Variants in LAMA3 observed in about 807,000 individuals in gnomAD.
LAMA3 encodes laminin subunit alpha-3.
A neutral mutation model predicts 402.0 loss-of-function variants in LAMA3; 281 were observed. The ratio of observed to expected loss-of-function variants is 0.70; its 90% CI spans 0.63 to 0.77. The LOEUF (loss-of-function observed/expected upper bound fraction) is 0.77. Among genes scored for constraint, LAMA3 ranks in the 30% least tolerant of loss-of-function variants. The pLI is 0.00. For synonymous variants in LAMA3, 1,431 were observed against 1,558.4 expected (o/e 0.92, Z 1.93); for missense variants, 3,840 against 4,215.5 (o/e 0.91, Z 2.47).
intron 59 of LAMA3, 54 bp downstream of exon 59, chr18:23,915,476 A>C (rs1040689957): frequency 1.6e-5 from 24 of 1,544,440 alleles, no homozygotes; most frequent in Non-Finnish European, 2.1e-5. Context: ...GGTAACTTGC[A>C]GTACTTTTAC....
chr18:23,885,324 C>A (rs2065037506), intron 41 of LAMA3, among the ~76,000 whole-genome samples: 1 of 131,836 alleles, frequency 7.6e-6, no homozygotes, highest in Non-Finnish European at 1.6e-5. Flanking sequence ...CCTAGATAGC[C>A]CCCCCACCCC....
At chr18:23,881,899 C>T in intron 39 of LAMA3, 37 bp from the exon 40 acceptor site, 5 of 1,317,258 alleles carry the variant, frequency 3.8e-6, no homozygotes, top group Non-Finnish European at 5.5e-6. Context: ...AGGGACTGTA[C>T]TGGCTGCTGT....
intron 12 of LAMA3, among the ~76,000 whole-genome samples, chr18:23,806,274 A>G (rs192012410): frequency 1.3e-5 from 2 of 152,354 alleles, no homozygotes; most frequent in African/African-American, 4.8e-5. Flanking sequence ...CTTGACATCT[A>G]TTCTCACAGA....
chr18:23,858,981 G>C, intron 34 of LAMA3, 152 bp downstream of exon 34: 1 of 809,144 alleles, frequency 1.2e-6, no homozygotes, highest in South Asian at 1.4e-5. Context: ...TGTTCAGAGG[G>C]GCTTTCCTTC....
chr18:23,733,658 G>A (rs570379162), intron 2 of LAMA3, among the ~76,000 whole-genome samples: 3 of 152,342 alleles, frequency 2.0e-5, no homozygotes, highest in African/African-American at 7.2e-5. Context: ...TTTGTCTTTA[G>A]AAGATAAATC....
At chr18:23,898,897 AT>A (rs1467655154) in intron 45 of LAMA3, 49 bp downstream of exon 45, 1 of 1,578,670 alleles carries the variant, frequency 6.3e-7, no homozygotes, top group African/African-American at 1.3e-5. Flanking sequence ...CTTTCAAAGT[AT>A]TTTTATTTTT....
At chr18:23,781,545 A>AT (rs2143973356) in intron 11 of LAMA3, among the ~76,000 whole-genome samples, 1 of 152,366 alleles carries the variant, frequency 6.6e-6, no homozygotes, top group East Asian at 1.9e-4. Context: ...AAGCCTATGT[A>AT]TTGTACATGT....
chr18:23,902,127 AG>A (rs1454292971), intron 48 of LAMA3, among the ~76,000 whole-genome samples: 1 of 152,146 alleles, frequency 6.6e-6, no homozygotes, highest in Non-Finnish European at 1.5e-5. Flanking sequence ...GTTTGAGACC[AG>A]CCTCGGCAAT....
chr18:23,853,090 A>G (rs563846299), intron 32 of LAMA3, among the ~76,000 whole-genome samples: 16 of 152,300 alleles, frequency 1.1e-4, no homozygotes, highest in Non-Finnish European at 2.1e-4. Flanking sequence ...AAACATGTCC[A>G]CATCAAGACT....
intron 12 of LAMA3, among the ~76,000 whole-genome samples, chr18:23,797,233 G>A (rs1248508305): frequency 1.3e-5 from 2 of 152,062 alleles, no homozygotes; most frequent in Admixed American, 1.3e-4. Context: ...GTCTGTGATG[G>A]CCTTCCTTGT....
At chr18:23,733,034 C>A (rs1250786913) in intron 2 of LAMA3, among the ~76,000 whole-genome samples, 1 of 151,964 alleles carries the variant, frequency 6.6e-6, no homozygotes, top group Non-Finnish European at 1.5e-5. Context: ...CCTGCATTTC[C>A]TCAAGCTGAA....
At chr18:23,836,901 C>T in intron 24 of LAMA3, 80 bp from the exon 25 acceptor site, 2 of 972,018 alleles carry the variant, frequency 2.1e-6, no homozygotes, top group Non-Finnish European at 3.3e-6. Context: ...AACCAAAGAG[C>T]CATCAGCCAA....
At chr18:23,812,020 T>C (rs999196770) in intron 13 of LAMA3, among the ~76,000 whole-genome samples, 6 of 151,844 alleles carry the variant, frequency 4.0e-5, no homozygotes, top group African/African-American at 9.7e-5. Context: ...ATTACAGGCA[T>C]GTGCCACCAT....
intron 2 of LAMA3, among the ~76,000 whole-genome samples, chr18:23,734,430 A>T (rs1163204931): frequency 6.6e-6 from 1 of 152,216 alleles, no homozygotes; most frequent in East Asian, 1.9e-4. Context: ...CACATGGGGC[A>T]TGGGTGAGAT....
chr18:23,854,300 T>C (rs1305444841), intron 32 of LAMA3, among the ~76,000 whole-genome samples: 1 of 152,258 alleles, frequency 6.6e-6, no homozygotes, highest in Non-Finnish European at 1.5e-5. Context: ...CTTCCACAGC[T>C]GCCCTTGCTG....
chr18:23,842,430 G>A lies in LAMA3; in HGVS notation c.3372G>A (p.Leu1124=), dbSNP rs1218716859. The A allele has an allele frequency of 3.7e-6, 6 of 1,613,924 alleles. No individual in the cohort carries two copies. In the African/African-American group the frequency reaches 5.3e-5, roughly 14 times the overall value. The change falls in exon 28 of 75, where the codon CTG becomes CTA. Residue 1124 remains leucine, a synonymous_variant. Transcript: ENST00000313654. ...QVTLRGRVPH[L]GRYVFVIHFY... ...CCCTGAGAGGACGTGTACCACACCT[G>A]GGCCGATACGTCTTTGTCATCCATT... is the stretch of plus-strand genomic sequence containing the variant.
rs1369644475 is a variant in LAMA3 at position 23,775,860 on chromosome 18, A to G, written c.1342A>G (p.Asn448Asp). 2 of 1,613,954 alleles carry G rather than the reference A, an allele frequency of 1.2e-6. No homozygotes were observed. Among genetic ancestry groups the G allele is most frequent in the Non-Finnish European group, 1.7e-6 (2 of 1,179,946 alleles). Residue 448 changes from asparagine (N) to aspartate (D), a missense_variant, in exon 10 of 75, where the codon AAT becomes GAT. Around this residue, in one of 3 missense-constraint regions of LAMA3, gnomAD observed 2,109 missense variants for 2,376.0 expected, o/e 0.89. Coordinates refer to ENST00000313654, the MANE Select transcript of LAMA3 (RefSeq NM_198129.4). ...QGSGRCHCKP[N>D]FHGDNCEKCA... Reference sequence around the variant, plus strand: ...TTCAGGCCGCTGTCACTGCAAGCCAAATTTCCACGGAGACAACTGTGAGAA... The same window carrying G: ...TTCAGGCCGCTGTCACTGCAAGCCAGATTTCCACGGAGACAACTGTGAGAA...
chr18:23,950,589 T>C (rs1233646253), intron 72 of LAMA3, among the ~76,000 whole-genome samples: 2 of 152,204 alleles, frequency 1.3e-5, no homozygotes, highest in African/African-American at 4.8e-5. Context: ...ACATCTTATT[T>C]TCCACCACCC....
intron 62 of LAMA3, among the ~76,000 whole-genome samples, chr18:23,921,850 G>A (rs1346668296): frequency 6.6e-6 from 1 of 152,186 alleles, no homozygotes; most frequent in Non-Finnish European, 1.5e-5. Flanking sequence ...GGGTATAGTT[G>A]GGTTAACAAT....
Sources: allele counts gnomAD v4.1 joint callset (sites outside exome capture counted in the v4.1 genomes callset), GRCh38; gene constraint gnomAD v4.1.1; regional missense constraint gnomAD v4.1.1; transcripts MANE v1.5; gene names NCBI Gene and HGNC (gene_info 2026-07-23, HGNC 2026-07-21).